Variants in TMEM39A observed in about 807,000 individuals in gnomAD.
TMEM39A encodes the protein suppressor of SQST-1 aggregates in rpl-43 mutants.
TMEM39A carries 19 observed loss-of-function variants against 51.9 expected under a neutral mutation model. That is an observed-to-expected ratio of 0.37 (90% CI 0.26 to 0.54). TMEM39A has a LOEUF of 0.54. TMEM39A is among the 20% of genes least tolerant of loss of function. The pLI is 0.88. For synonymous variants in TMEM39A, 197 were observed against 220.2 expected, an observed-to-expected ratio of 0.89 and a Z score of 0.93; for missense variants, 433 against 590.5, an observed-to-expected ratio of 0.73 and a Z score of 2.76.
At chr3:119,438,136 A>C (rs779232114) in intron 5 of TMEM39A, 33 bp from the exon 6 acceptor site, 1 of 1,518,288 alleles carries the variant, frequency 6.6e-7, no homozygotes, top group African/African-American at 1.4e-5. Flanking sequence ...GAGACCACAG[A>C]TACCACCTAA....
intron 5 of TMEM39A, among the ~76,000 whole-genome samples, chr3:119,444,908 T>TACAAA (rs751177748): frequency 1.4e-4 from 21 of 152,208 alleles, no homozygotes; most frequent in African/African-American, 1.9e-4. Context: ...ATCCTGTCTC[T>TACAAA]ACAAAACAAA....
rs1008800215 is a variant in TMEM39A at position 119,438,128 on chromosome 3, G to A, written c.576-25C>T. On this transcript the variant is annotated intron_variant, in intron 5 of 8. Transcript: ENST00000319172. ...CCTGTAAAACAAAGTGTGAAAATGA[G>A]ACCACAGATACCACCTAAAATCACA... The A allele has an allele frequency of 4.5e-6, 7 of 1,542,172 alleles. No homozygotes were observed. In the Admixed American group the frequency reaches 7.1e-5, roughly 16 times the overall value.
At position 119,463,576 on chromosome 3, in the gene TMEM39A, A is replaced by T; in HGVS notation, c.-315T>A. On this transcript the variant is annotated 5_prime_UTR_variant, in exon 1 of 9. Coordinates refer to ENST00000319172, the MANE Select transcript of TMEM39A (RefSeq NM_018266.3). ...GCTAAAGCTAGAGCCAGAGCCTGAT[A>T]CTTCAGCACCCATCCCTAGCCTCCA... 2.5e-6 allele frequency: 1 copy of T among 398,766 alleles called. No homozygotes were observed. The highest frequency in any genetic ancestry group is 3.6e-5 in the East Asian group (1 of 28,076). 24.7% of individuals were successfully genotyped at this position (398,766 alleles called of 1,614,324 possible). A position where few individuals can be genotyped will look rare whatever the true frequency, so the allele number is the denominator to read the frequency against.
intron 7 of TMEM39A, chr3:119,435,704 C>G (rs928450737): frequency 1.9e-5 from 19 of 996,138 alleles, no homozygotes; most frequent in Non-Finnish European, 2.3e-5. Flanking sequence ...TTCTAGCACC[C>G]TAAAGCTTTC....
At chr3:119,445,605 A>G (rs2081115182) in intron 5 of TMEM39A, among the ~76,000 whole-genome samples, 1 of 152,230 alleles carries the variant, frequency 6.6e-6, no homozygotes, top group South Asian at 2.1e-4. Context: ...AAGAAAAAAA[A>G]GCTGTCAACA....
intron 3 of TMEM39A, among the ~76,000 whole-genome samples, chr3:119,456,761 T>C (rs1262954580): frequency 6.6e-6 from 1 of 152,114 alleles, no homozygotes; most frequent in African/African-American, 2.4e-5. Context: ...TGCACTACCA[T>C]GCCCAGTTAA....
At chr3:119,435,495 A>C in intron 7 of TMEM39A, 1 of 985,198 alleles carries the variant, frequency 1.0e-6, no homozygotes, top group Non-Finnish European at 1.2e-6. Context: ...TCTGGGGGAA[A>C]AGAAGTTACA....
At chr3:119,461,414 A>T (rs911032401) in intron 2 of TMEM39A, among the ~76,000 whole-genome samples, 1 of 152,222 alleles carries the variant, frequency 6.6e-6, no homozygotes, top group Non-Finnish European at 1.5e-5. Flanking sequence ...ACAAGAGAAA[A>T]ACTTTTTTCA....
chr3:119,437,237 C>G (rs2080981799), intron 6 of TMEM39A, among the ~76,000 whole-genome samples: 1 of 152,130 alleles, frequency 6.6e-6, no homozygotes, highest in Non-Finnish European at 1.5e-5. Flanking sequence ...TGAGTGTTCT[C>G]TGAAGGACCA....
rs1336982773 is a variant in TMEM39A, at chr3:119,431,817, A to G, written c.*164T>C. 4.0e-6 allele frequency: 2 copies of G among 500,228 alleles called. No individual in the cohort carries two copies. Among genetic ancestry groups the G allele is most frequent in the Non-Finnish European group, 6.9e-6 (2 of 288,532 alleles). The allele number at this position is 500,228 out of a possible 1,614,324, so 31.0% of individuals were successfully genotyped here. A position where few individuals can be genotyped will look rare whatever the true frequency, so the allele number is the denominator to read the frequency against. ...ATACTAACACATGAAAGATCACATC[A>G]CCTTGTTTACGGATACATTTAATAT... On this transcript the variant is annotated 3_prime_UTR_variant, in exon 9 of 9. Transcript: ENST00000319172.
In TMEM39A at chr3:119,458,081, G is replaced by A. The variant is rs763243226; in HGVS notation, c.273C>T (p.Tyr91=). ...ACCACACTGTTTTATAAATGTTGATGTACTGAATGAAAAGAGCAACCAACA... is the reference window on the plus strand; with the variant it reads ...ACCACACTGTTTTATAAATGTTGATATACTGAATGAAAAGAGCAACCAACA... The part of the protein sequence containing the change: ...IYLLVALFIQ[Y]INIYKTVWWY... The change falls in exon 3 of 9, where the codon TAC becomes TAT. Residue 91 remains tyrosine (Y), a synonymous_variant. Transcript: ENST00000319172. The A allele has an allele frequency of 3.1e-6, 5 of 1,614,082 alleles. No individual in the cohort carries two copies. The Admixed American group carries it at 8.3e-5, about 27-fold the overall frequency.
chr3:119,430,544 T>C lies in TMEM39A; in HGVS notation c.*1437A>G, dbSNP rs1022065737. Reference sequence around the variant, plus strand: ...TATCCCCAGGGCCTAATATAGTGCCTACTGGTTAATATATATTTGTTGAAT... The same window carrying C: ...TATCCCCAGGGCCTAATATAGTGCCCACTGGTTAATATATATTTGTTGAAT... On this transcript the variant is annotated 3_prime_UTR_variant, in exon 9 of 9. Coordinates refer to ENST00000319172, the MANE Select transcript of TMEM39A (RefSeq NM_018266.3). 2.6e-5 allele frequency: 4 copies of C among 152,098 alleles called. No individual in the cohort carries two copies. Among genetic ancestry groups the C allele is most frequent in the African/African-American group, 7.2e-5 (3 of 41,416 alleles). 9.4% of individuals were successfully genotyped at this position (152,098 alleles called of 1,614,324 possible).
At chr3:119,456,002 T>C (rs1245217311) in intron 3 of TMEM39A, among the ~76,000 whole-genome samples, 1 of 152,172 alleles carries the variant, frequency 6.6e-6, no homozygotes, top group African/African-American at 2.4e-5. Context: ...AGTCATATAA[T>C]GGTACCTACC....
At position 119,442,535 on chromosome 3, in the gene TMEM39A, A is replaced by C. The variant is rs144258599; in HGVS notation, c.576-4432T>G. On this transcript the variant is annotated intron_variant, in intron 5 of 8. Transcript: ENST00000319172. Reference sequence around the variant, plus strand: ...GTAAGGCTATTTCTGCATTAAATAGAGATTCCTCCAATGGATCTGGGCAAA... The same window carrying C: ...GTAAGGCTATTTCTGCATTAAATAGCGATTCCTCCAATGGATCTGGGCAAA... Among the ~76,000 whole-genome samples, 14 of 152,342 alleles carry C rather than the reference A, an allele frequency of 9.2e-5. No individual in the cohort carries two copies. In the East Asian group the frequency reaches 1.9e-3, roughly 21 times the overall value.
chr3:119,458,138 G>C lies in TMEM39A; in HGVS notation c.216C>G (p.Ser72Arg), dbSNP rs761145050. ...CQIPDLPVDG[S>R]LLFEFLFFIY... Reference sequence around the variant, plus strand: ...TGAAAAAAAGGAATTCAAAGAGTAGGCTCCCATCCACAGGCAAGTCAGGAA... The same window carrying C: ...TGAAAAAAAGGAATTCAAAGAGTAGCCTCCCATCCACAGGCAAGTCAGGAA... Residue 72 changes from serine (S) to arginine (R), a missense_variant, in exon 3 of 9, where the codon AGC (serine) becomes AGG (arginine). Physicochemically the swap from Ser to Arg is moderately radical, Grantham distance 110. This residue lies in a region of TMEM39A where 170 missense variants were observed against 239.8 expected (regional missense o/e 0.71). Coordinates refer to ENST00000319172, the MANE Select transcript of TMEM39A (RefSeq NM_018266.3). 2 of 1,614,128 alleles carry C rather than the reference G, an allele frequency of 1.2e-6. No individual in the cohort carries two copies. Among genetic ancestry groups the C allele is most frequent in the Admixed American group, 3.3e-5 (2 of 60,018 alleles).
intron 2 of TMEM39A, among the ~76,000 whole-genome samples, 186 bp from the exon 3 acceptor site, chr3:119,458,426 A>C (rs2107690337): frequency 6.6e-6 from 1 of 152,250 alleles, no homozygotes; most frequent in African/African-American, 2.4e-5. Flanking sequence ...TATGGCCTCC[A>C]TTATCTCCTA....
At chr3:119,460,195 C>G (rs116064614) in intron 2 of TMEM39A, among the ~76,000 whole-genome samples, 1 of 151,994 alleles carries the variant, frequency 6.6e-6, no homozygotes, top group African/African-American at 2.4e-5. Flanking sequence ...TCCCTCCCCC[C>G]AGTTAATTGC....
rs867880851 is a variant in TMEM39A at position 119,429,036 on chromosome 3, C to G, written c.*2945G>C. Among the ~76,000 whole-genome samples the G allele has an allele frequency of 2.6e-5, 4 of 152,046 alleles. No homozygotes were observed. The highest frequency in any genetic ancestry group is 9.7e-5 in the African/African-American group (4 of 41,422). The stretch of plus-strand genomic sequence containing the variant: ...TCTGATATCTATTACGTATCTCATA[C>G]ATATTTCTGTTAATGAACACCCTAG... On this transcript the variant is annotated 3_prime_UTR_variant, in exon 9 of 9. Coordinates refer to ENST00000319172, the MANE Select transcript of TMEM39A (RefSeq NM_018266.3).
chr3:119,455,660 A>G (rs1264393375), intron 3 of TMEM39A, among the ~76,000 whole-genome samples: 5 of 152,234 alleles, frequency 3.3e-5, no homozygotes, highest in East Asian at 1.9e-4. Flanking sequence ...GTCAGCAGCT[A>G]TAACAGCAGG....
Sources: allele counts gnomAD v4.1 joint callset (sites outside exome capture counted in the v4.1 genomes callset), GRCh38; gene constraint gnomAD v4.1.1; regional missense constraint gnomAD v4.1.1; transcripts MANE v1.5; gene names NCBI Gene and HGNC (gene_info 2026-07-23, HGNC 2026-07-21).